BBS1: variants seen among roughly 807,000 people sequenced by gnomAD.
The protein encoded by BBS1 is Bardet-Biedl syndrome 1.
Under a neutral mutation model 73.9 loss-of-function variants are expected in BBS1, and 60 were observed. The ratio of observed to expected loss-of-function variants is 0.81; its 90% CI spans 0.66 to 1.01. The LOEUF is 1.01. BBS1 is among the 50% of genes least tolerant of loss of function. The pLI is 0.00. For synonymous variants in BBS1, 283 were observed against 317.4 expected (o/e 0.89, Z 1.15); for missense variants, 718 against 770.3 (o/e 0.93, Z 0.80).
intron 3 of BBS1, among the ~76,000 whole-genome samples, chr11:66,513,253 T>C (rs1231218787): frequency 1.3e-5 from 2 of 150,442 alleles, no homozygotes; most frequent in African/African-American, 2.5e-5. Context: ...GATGAGAGGA[T>C]GGGGAAGGCA....
chr11:66,522,287 C>T (rs934749394), intron 9 of BBS1, among the ~76,000 whole-genome samples: 3 of 150,858 alleles, frequency 2.0e-5, no homozygotes, highest in Non-Finnish European at 4.4e-5. Context: ...TTCTAGGGTA[C>T]ATGACATGAC....
intron 15 of BBS1, 108 bp downstream of exon 15, chr11:66,531,136 G>A: frequency 6.9e-7 from 1 of 1,459,752 alleles, no homozygotes; most frequent in Non-Finnish European, 9.4e-7. Flanking sequence ...GCGGGTGGCT[G>A]CCAGGTGGCC....
rs1418858925 is a variant in BBS1 at position 66,511,362 on chromosome 11, A to T, written c.159+123A>T. 5 of 1,204,980 alleles carry T rather than the reference A, an allele frequency of 4.1e-6. No homozygotes were observed. In the East Asian group the frequency reaches 1.2e-4, roughly 30 times the overall value. 74.6% of individuals were successfully genotyped at this position (1,204,980 alleles called of 1,614,324 possible). A position where few individuals can be genotyped will look rare whatever the true frequency, so the allele number is the denominator to read the frequency against. On this transcript the variant is annotated intron_variant, in intron 3 of 16. Coordinates refer to ENST00000318312, the MANE Select transcript of BBS1 (RefSeq NM_024649.5). ...ATTCACATATACTGTGAAAAAGCAC[A>T]TTTAGCGTTAAATTTTGTTTTTATA...
chr11:66,517,942 G>A (rs1002469650), intron 7 of BBS1, among the ~76,000 whole-genome samples: 6 of 143,452 alleles, frequency 4.2e-5, no homozygotes, highest in East Asian at 2.1e-4. Flanking sequence ...TTATACTAAC[G>A]TCACTTTTTT....
intron 3 of BBS1, among the ~76,000 whole-genome samples, chr11:66,513,878 A>G (rs1316289888): frequency 6.6e-6 from 1 of 152,138 alleles, no homozygotes; most frequent in Non-Finnish European, 1.5e-5. Flanking sequence ...ATTCAGGGAA[A>G]TGGGCTTGTG....
rs1333915387 is a variant in BBS1 at position 66,532,270 on chromosome 11, G to A, written c.*233G>A. 6 of 575,232 alleles carry A rather than the reference G, an allele frequency of 1.0e-5. No homozygotes were observed. Among genetic ancestry groups the A allele is most frequent in the Non-Finnish European group, 1.9e-5 (6 of 321,064 alleles). The allele number at this position is 575,232 out of a possible 1,614,324, so 35.6% of individuals were successfully genotyped here. A position where few individuals can be genotyped will look rare whatever the true frequency, so the allele number is the denominator to read the frequency against. ...ACCAACCCAGCATGGTCCCACTGAA[G>A]TCCTACTACGCCCTCCCCTCCCCAG... On this transcript the variant is annotated 3_prime_UTR_variant, in exon 17 of 17. Transcript: ENST00000318312.
In BBS1 at chr11:66,529,907, C is replaced by T; in HGVS notation, c.1428C>T (p.Ser476=). The stretch of plus-strand genomic sequence containing the variant: ...TGCAGGCCCTCGAGTCCAGCCTGAG[C>T]CCCCTGTCCACGACAGCCCGAGAGC... ...AYLQALESSL[S]PLSTTAREPL... is the part of the protein sequence containing the mutation. The change falls in exon 14 of 17, where the codon AGC becomes AGT. Residue 476 remains serine (S), a synonymous_variant. Coordinates refer to ENST00000318312, the MANE Select transcript of BBS1 (RefSeq NM_024649.5). 2 of 1,606,806 alleles carry T rather than the reference C, an allele frequency of 1.2e-6. No individual in the cohort carries two copies. Among genetic ancestry groups the T allele is most frequent in the Non-Finnish European group, 1.7e-6 (2 of 1,179,628 alleles).
intron 4 of BBS1, 86 bp downstream of exon 4, chr11:66,514,764 G>A: frequency 6.5e-7 from 1 of 1,531,338 alleles, no homozygotes. Context: ...GGAAGAACGT[G>A]GGCTGGTGGC....
At chr11:66,516,075 T>A in intron 7 of BBS1, 142 bp downstream of exon 7, 1 of 816,588 alleles carries the variant, frequency 1.2e-6, no homozygotes, top group Non-Finnish European at 2.1e-6. Context: ...CATGTGTGTG[T>A]AGTCATAAAG....
intron 3 of BBS1, 82 bp downstream of exon 3, chr11:66,511,321 C>G: frequency 6.6e-7 from 1 of 1,509,908 alleles, no homozygotes; most frequent in South Asian, 1.1e-5. Flanking sequence ...TGAAAATAGG[C>G]CCAGCATACT....
At chr11:66,531,507 C>G in intron 15 of BBS1, 149 bp from the exon 16 acceptor site, 1 of 1,038,002 alleles carries the variant, frequency 9.6e-7, no homozygotes, top group South Asian at 1.3e-5. Flanking sequence ...ACTTCCCCAC[C>G]ACACCTGCAT....
At chr11:66,527,192 A>C in intron 13 of BBS1, 2 of 582,350 alleles carry the variant, frequency 3.4e-6, no homozygotes, top group Non-Finnish European at 3.0e-6. Flanking sequence ...GGGTAACATA[A>C]TGATACTTCT....
chr11:66,515,243 C>G (rs1396153500), intron 4 of BBS1, among the ~76,000 whole-genome samples: 1 of 151,956 alleles, frequency 6.6e-6, no homozygotes, highest in Non-Finnish European at 1.5e-5. Flanking sequence ...ACATCCCTGC[C>G]CAAATTTGAG....
Position 66,532,018 on chromosome 11 carries a change from A to T in BBS1, c.1763A>T (p.Glu588Val). ...GCCCACGTCAACATGCCTGGGAGCG[A>T]GGGGCTGGCGGCCGCCTGAGACCTG... ...LSAHVNMPGS[E>V]GLAAA is the part of the protein sequence containing the mutation. Residue 588 changes from glutamate to valine, a missense_variant, in exon 17 of 17, where the codon GAG becomes GTG. Glu to Val is a moderately radical substitution (Grantham distance 121, BLOSUM62 -2). Coordinates refer to ENST00000318312, the MANE Select transcript of BBS1 (RefSeq NM_024649.5). 1.2e-6 allele frequency: 2 copies of T among 1,606,880 alleles called. No individual in the cohort carries two copies. The highest frequency in any genetic ancestry group is 2.1e-4 in the Middle Eastern group (1 of 4,846).
intron 13 of BBS1, 49 bp from the exon 14 acceptor site, chr11:66,529,770 C>T (rs776394601): frequency 1.2e-6 from 2 of 1,605,800 alleles, no homozygotes; most frequent in South Asian, 2.2e-5. Context: ...CTGCCTCCTC[C>T]CTGCCACCCC....
intron 13 of BBS1, among the ~76,000 whole-genome samples, 177 bp from the exon 14 acceptor site, chr11:66,529,642 C>T (rs1235692895): frequency 2.6e-5 from 4 of 151,784 alleles, no homozygotes; most frequent in African/African-American, 9.7e-5. Flanking sequence ...GAGGCCACGG[C>T]GTCGAGTTTT....
At chr11:66,518,757 C>CT (rs58220840) in intron 7 of BBS1, among the ~76,000 whole-genome samples, 27,717 of 131,610 alleles carry the variant, frequency 0.21, 3,116 homozygotes, top group Non-Finnish European at 0.25. Context: ...CAGCCCTTTT[C>CT]TTTTTTTTTT....
At chr11:66,527,436 G>A (rs1590774412) in intron 13 of BBS1, 2 of 255,142 alleles carry the variant, frequency 7.8e-6, no homozygotes, top group Non-Finnish European at 1.5e-5. Flanking sequence ...TTTGGGAGGC[G>A]GAGATGGGCA....
At chr11:66,518,791 T>C in intron 7 of BBS1, among the ~76,000 whole-genome samples, 1 of 149,192 alleles carries the variant, frequency 6.7e-6, no homozygotes, top group East Asian at 2.0e-4. Context: ...AGGGTCTTAC[T>C]CTGTCAGTCA....
Sources: gnomAD v4.1 joint callset for allele counts (sites outside exome capture counted in the v4.1 genomes callset) on GRCh38, gnomAD v4.1.1 for gene constraint, MANE v1.5 for transcripts, NCBI Gene and HGNC (gene_info 2026-07-23, HGNC 2026-07-21) for gene names.